The following PDZRN3 variants were observed in gnomAD, a reference collection of about 807,000 sequenced individuals.
PDZRN3 encodes E3 ubiquitin-protein ligase PDZRN3.
In PDZRN3, 38 loss-of-function variants were observed where a neutral mutation model predicts 85.7. That is an observed-to-expected ratio of 0.44 (90% CI 0.34 to 0.58). PDZRN3 has a LOEUF of 0.58. PDZRN3 is among the 20% of genes least tolerant of loss of function. The pLI, the probability that PDZRN3 is intolerant of heterozygous loss-of-function variation, is 0.01. For missense variants in PDZRN3, 1,629 were observed against 1,506.4 expected, an observed-to-expected ratio of 1.08 and a Z score of -1.35; for synonymous variants, 759 against 638.0, an observed-to-expected ratio of 1.19 and a Z score of -2.86.
chr3:73,448,792 A>G (rs1702801734), intron 3 of PDZRN3, among the ~76,000 whole-genome samples: 2 of 152,224 alleles, frequency 1.3e-5, no homozygotes, highest in African/African-American at 4.8e-5. Flanking sequence ...TATTCACAGT[A>G]TGTAACACCT....
chr3:73,437,451 C>G (rs1271229550), intron 3 of PDZRN3, among the ~76,000 whole-genome samples: 1 of 152,118 alleles, frequency 6.6e-6, no homozygotes, highest in African/African-American at 2.4e-5. Flanking sequence ...TGTTTTTGAC[C>G]TCACAGATCC....
intron 3 of PDZRN3, among the ~76,000 whole-genome samples, chr3:73,484,262 A>G (rs1162809832): frequency 9.9e-5 from 15 of 152,218 alleles, no homozygotes; most frequent in Admixed American, 9.8e-4. Flanking sequence ...TTGGATTCAT[A>G]TACCTTAGGT....
intron 1 of PDZRN3, among the ~76,000 whole-genome samples, chr3:73,621,126 G>C (rs963722690): frequency 2.0e-5 from 3 of 152,204 alleles, no homozygotes; most frequent in Non-Finnish European, 4.4e-5. Context: ...TGAGACTGAG[G>C]AATCTGTGTT....
intron 3 of PDZRN3, among the ~76,000 whole-genome samples, chr3:73,434,487 G>T (rs1338809404): frequency 1.3e-5 from 2 of 152,188 alleles, no homozygotes; most frequent in Non-Finnish European, 2.9e-5. Flanking sequence ...ATGCAAAGTA[G>T]CTAGGGGTTA....
rs918740082 is a variant in PDZRN3, at chr3:73,458,088, T to C, written c.919-53693A>G. Among the ~76,000 whole-genome samples, 11 of 152,002 alleles carry C rather than the reference T, an allele frequency of 7.2e-5. 1 individual carries two copies. Among genetic ancestry groups the C allele is most frequent in the Middle Eastern group, 6.3e-3 (2 of 316 alleles). On this transcript the variant is annotated intron_variant, in intron 3 of 9. Transcript: ENST00000263666. ...AGGTTCTGTTACCAGTGGGGAAAAATGTGGTCTGTCCTTGCTTTTTATTCT... is the reference window on the plus strand; with the variant it reads ...AGGTTCTGTTACCAGTGGGGAAAAACGTGGTCTGTCCTTGCTTTTTATTCT...
intron 1 of PDZRN3, among the ~76,000 whole-genome samples, chr3:73,610,024 A>C (rs1293118387): frequency 6.6e-6 from 1 of 152,256 alleles, no homozygotes; most frequent in Non-Finnish European, 1.5e-5. Context: ...CTCCATGCTT[A>C]AAGTCTTAAT....
intron 3 of PDZRN3, among the ~76,000 whole-genome samples, chr3:73,532,519 T>A (rs1371048773): frequency 6.6e-6 from 1 of 152,224 alleles, no homozygotes; most frequent in Non-Finnish European, 1.5e-5. Flanking sequence ...CATCTCACTT[T>A]GATCCTCATT....
At chr3:73,620,731 C>T (rs967407727) in intron 1 of PDZRN3, among the ~76,000 whole-genome samples, 3 of 152,200 alleles carry the variant, frequency 2.0e-5, no homozygotes, top group South Asian at 2.1e-4. Flanking sequence ...TGCCCGCCAC[C>T]GCGCCCAGCT....
Sources: allele counts gnomAD v4.1 joint callset (sites outside exome capture counted in the v4.1 genomes callset), GRCh38; gene constraint gnomAD v4.1.1; transcripts MANE v1.5; gene names NCBI Gene and HGNC (gene_info 2026-07-23, HGNC 2026-07-21).